IL16: variants seen among roughly 807,000 people sequenced by gnomAD.
The protein encoded by IL16 is interleukin 16, also known as pro-interleukin-16.
In IL16, 67 loss-of-function variants were observed where a neutral mutation model predicts 110.1. That is an observed-to-expected ratio of 0.61 (90% CI 0.50 to 0.75). IL16 has a LOEUF of 0.75. Ranked by LOEUF, IL16 falls within the 30% of genes least tolerant of loss-of-function variation. IL16 has a pLI of 0.00. For missense variants in IL16, 1,545 were observed against 1,655.0 expected (o/e 0.93, Z 1.15); for synonymous variants, 689 against 662.9 (o/e 1.04, Z -0.61).
At chr15:81,192,053 C>T (rs1354626398), upstream of IL16, among the ~76,000 whole-genome samples, 10 of 152,262 alleles carry the variant, frequency 6.6e-5, no homozygotes, top group Admixed American at 2.0e-4. Context: ...AGATCCATAA[C>T]GCTATGCACT....
rs1900743162 is a variant in IL16 at position 81,309,502 on chromosome 15, T to C, written c.*704T>C. On this transcript the variant is annotated 3_prime_UTR_variant, in exon 19 of 19. Coordinates refer to ENST00000683961, the MANE Select transcript of IL16 (RefSeq NM_172217.5). ...AAGTTGCATGGCATCACCTCCACCATACTCCATCAGTTAGAGCTGACACAA... is the reference window on the plus strand; with the variant it reads ...AAGTTGCATGGCATCACCTCCACCACACTCCATCAGTTAGAGCTGACACAA... 1.3e-5 allele frequency: 2 copies of C among 152,326 alleles called. No homozygotes were observed. Among genetic ancestry groups the C allele is most frequent in the South Asian group, 4.1e-4 (2 of 4,834 alleles). The allele number at this position is 152,326 out of a possible 1,614,324, so 9.4% of individuals were successfully genotyped here. A position where few individuals can be genotyped will look rare whatever the true frequency, so the allele number is the denominator to read the frequency against.
At chr15:81,209,467 G>A (rs1056277128) in intron 1 of IL16, among the ~76,000 whole-genome samples, 2 of 152,156 alleles carry the variant, frequency 1.3e-5, no homozygotes, top group Non-Finnish European at 2.9e-5. Context: ...AGTCAAGTCT[G>A]AGGCAGGGAT....
At position 81,300,389 on chromosome 15, in the gene IL16, G is replaced by T; in HGVS notation, c.3063G>T (p.Gly1021=). Residue 1021 remains glycine (G), a synonymous_variant, in exon 14 of 19, where the codon GGG becomes GGT. Coordinates refer to ENST00000683961, the MANE Select transcript of IL16 (RefSeq NM_172217.5). ...CAQTPCIPKE[G]ASPTSSSNED... ...AGACTCCCTGCATCCCCAAGGAAGG[G>T]GCATCTCCAACATCATCATCCAACG... 6.2e-7 allele frequency: 1 copy of T among 1,614,062 alleles called. No homozygotes were observed. Among genetic ancestry groups the T allele is most frequent in the Non-Finnish European group, 8.5e-7 (1 of 1,179,990 alleles).
chr15:81,220,300 G>T (rs1896570281), intron 1 of IL16, among the ~76,000 whole-genome samples: 1 of 152,016 alleles, frequency 6.6e-6, no homozygotes, highest in Non-Finnish European at 1.5e-5. Context: ...ATGCTGGCTA[G>T]TTTTTTTGTT....
rs977950427 is a variant in IL16 at position 81,309,693 on chromosome 15, C to T, written c.*895C>T. 2.0e-5 allele frequency: 3 copies of T among 152,230 alleles called. No individual in the cohort carries two copies. Among genetic ancestry groups the T allele is most frequent in the African/African-American group, 7.2e-5 (3 of 41,428 alleles). 9.4% of individuals were successfully genotyped at this position (152,230 alleles called of 1,614,324 possible). On this transcript the variant is annotated 3_prime_UTR_variant, in exon 19 of 19. Coordinates refer to ENST00000683961, the MANE Select transcript of IL16 (RefSeq NM_172217.5). ...AGAGGAGTACAGGTGAAGCACCAAG[C>T]TCAAAGCGTGGACAGGTGTGCCGAC...
chr15:81,191,753 C>A (rs1346849196), intron 1 of IL16, among the ~76,000 whole-genome samples: 1 of 152,176 alleles, frequency 6.6e-6, no homozygotes, highest in African/African-American at 2.4e-5. Flanking sequence ...GGAAGTGGAA[C>A]TTTCCTGTAA....
At chr15:81,188,746 C>G (rs994858128) in intron 1 of IL16, among the ~76,000 whole-genome samples, 1 of 152,176 alleles carries the variant, frequency 6.6e-6, no homozygotes, top group Non-Finnish European at 1.5e-5. Context: ...CCTTCTTCCT[C>G]CCGGCCTTTT....
intron 1 of IL16, among the ~76,000 whole-genome samples, chr15:81,199,508 A>G (rs12324896): frequency 0.39 from 58,944 of 152,048 alleles, 14,303 homozygotes; most frequent in East Asian, 0.7. Context: ...AATGCTGGAC[A>G]GTGACCCGAT....
intron 2 of IL16, among the ~76,000 whole-genome samples, chr15:81,239,528 G>A (rs538585371): frequency 5.1e-4 from 78 of 152,316 alleles, no homozygotes; most frequent in African/African-American, 1.9e-3. Context: ...CTACTAGGTG[G>A]AGAGCAGAAA....
At chr15:81,238,108 T>G (rs1897233187) in intron 2 of IL16, among the ~76,000 whole-genome samples, 1 of 152,088 alleles carries the variant, frequency 6.6e-6, no homozygotes, top group Non-Finnish European at 1.5e-5. Flanking sequence ...TTTACCATCT[T>G]GGCCAGGCTG....
intron 1 of IL16, among the ~76,000 whole-genome samples, chr15:81,202,736 T>G (rs939839122): frequency 1.3e-5 from 2 of 152,248 alleles, no homozygotes; most frequent in Non-Finnish European, 2.9e-5. Flanking sequence ...GTTGGACATT[T>G]AGGTTGGTTC....
chr15:81,282,824 T>C (rs943677643), intron 9 of IL16, 68 bp downstream of exon 9: 1 of 1,167,574 alleles, frequency 8.6e-7, no homozygotes, highest in Non-Finnish European at 1.3e-6. Context: ...CCTTAGAATG[T>C]CGGGAGATTG....
chr15:81,306,498 G>C lies in IL16; in HGVS notation c.3758G>C (p.Gly1253Ala). ...GGCTTCAGCCTGGAAGGAGGGAAGG[G>C]CTCCCTACACGGAGACAAGCCTCTC... is the stretch of plus-strand genomic sequence containing the variant. ...GLGFSLEGGK[G>A]SLHGDKPLTI... is the part of the protein sequence containing the mutation. The change falls in exon 18 of 19, where the codon GGC (glycine) becomes GCC (alanine). Residue 1253 changes from glycine to alanine, a missense_variant. By Grantham distance (60) the Gly-to-Ala change is moderately conservative. Around this residue, in one of 3 missense-constraint regions of IL16, gnomAD observed 356 missense variants for 399.3 expected, o/e 0.89. Coordinates refer to ENST00000683961, the MANE Select transcript of IL16 (RefSeq NM_172217.5). 18 of 1,613,122 alleles carry C rather than the reference G, an allele frequency of 1.1e-5. No individual in the cohort carries two copies. The highest frequency in any genetic ancestry group is 1.5e-5 in the Non-Finnish European group (18 of 1,179,812).
At chr15:81,189,382 C>T (rs1895465136) in intron 1 of IL16, among the ~76,000 whole-genome samples, 1 of 152,148 alleles carries the variant, frequency 6.6e-6, no homozygotes, top group Non-Finnish European at 1.5e-5. Flanking sequence ...CCTTGGTCTC[C>T]TAAAGTGCTG....
At chr15:81,243,340 T>G (rs923228873) in intron 2 of IL16, among the ~76,000 whole-genome samples, 1 of 150,204 alleles carries the variant, frequency 6.7e-6, no homozygotes. Flanking sequence ...CATGCCTGGC[T>G]AATTTTTATT....
intron 1 of IL16, among the ~76,000 whole-genome samples, chr15:81,205,602 C>T (rs1045221768): frequency 6.6e-6 from 1 of 151,254 alleles, no homozygotes; most frequent in Non-Finnish European, 1.5e-5. Context: ...ATTAAGGAGC[C>T]ATAATAAGAA....
chr15:81,249,059 T>C (rs1212791992), intron 2 of IL16, among the ~76,000 whole-genome samples: 1 of 152,122 alleles, frequency 6.6e-6, no homozygotes, highest in Non-Finnish European at 1.5e-5. Context: ...CTCAGAAAAT[T>C]TGGCATGTAT....
rs1463348550 is a variant in IL16, at chr15:81,312,134, T to G, written c.*3336T>G. The G allele has an allele frequency of 1.3e-5, 2 of 152,232 alleles. No homozygotes were observed. The highest frequency in any genetic ancestry group is 6.5e-5 in the Admixed American group (1 of 15,276). 9.4% of individuals were successfully genotyped at this position (152,232 alleles called of 1,614,324 possible). On this transcript the variant is annotated 3_prime_UTR_variant, in exon 19 of 19. Transcript: ENST00000683961. ...TTTCTTACAAGGAAGGTGGTGGGGGTGCAGATGAGGTTGCTAGAGAATGTT... is the reference window on the plus strand; with the variant it reads ...TTTCTTACAAGGAAGGTGGTGGGGGGGCAGATGAGGTTGCTAGAGAATGTT...
In IL16 at chr15:81,219,019, G is replaced by A. The variant is rs191731865; in HGVS notation, c.-101-6280G>A. Reference sequence around the variant, plus strand: ...TTTTCTTTAGCCTTCACGGTCGTTAGCATTGTTACCTCTAAGCCATAAAGG... The same window carrying A: ...TTTTCTTTAGCCTTCACGGTCGTTAACATTGTTACCTCTAAGCCATAAAGG... On this transcript the variant is annotated intron_variant, in intron 1 of 18. Coordinates refer to ENST00000683961, the MANE Select transcript of IL16 (RefSeq NM_172217.5). 9.7e-4 allele frequency among the ~76,000 whole-genome samples: 147 copies of A among 151,960 alleles called. 1 individual carries two copies. The highest frequency in any genetic ancestry group is 3.0e-3 in the African/African-American group (126 of 41,426).
Sources: gnomAD v4.1 joint callset for allele counts (sites outside exome capture counted in the v4.1 genomes callset) on GRCh38, gnomAD v4.1.1 for gene constraint, gnomAD v4.1.1 regional missense constraint, MANE v1.5 for transcripts, NCBI Gene and HGNC (gene_info 2026-07-23, HGNC 2026-07-21) for gene names.